The following SKI variants were observed in gnomAD, a reference collection of about 807,000 sequenced individuals.
SKI encodes the protein SKI proto-oncogene.
A neutral mutation model predicts 59.3 loss-of-function variants in SKI; 23 were observed. That is an observed-to-expected ratio of 0.39 (90% CI 0.28 to 0.55). The LOEUF (loss-of-function observed/expected upper bound fraction) is 0.55, where lower values mean the gene tolerates loss of function less well. SKI is among the 20% of genes least tolerant of loss of function. The probability of loss-of-function intolerance (pLI) is 0.67; values close to 1 mark genes in which losing one functional copy is unlikely to be tolerated. For missense variants in SKI, 1,017 were observed against 1,038.9 expected (o/e 0.98, Z 0.29); for synonymous variants, 673 against 488.6 (o/e 1.38, Z -4.98).
At chr1:2,277,695 G>A (rs1639774159) in intron 1 of SKI, among the ~76,000 whole-genome samples, 1 of 147,904 alleles carries the variant, frequency 6.8e-6, no homozygotes, top group Admixed American at 6.7e-5. Context: ...AGGACCCATG[G>A]GCACACGTGC....
chr1:2,234,676 C>T (rs977094825), intron 1 of SKI, among the ~76,000 whole-genome samples: 8 of 152,150 alleles, frequency 5.3e-5, no homozygotes, highest in East Asian at 1.9e-4. Flanking sequence ...GCCGGCGGCC[C>T]GGCTCTCTGT....
chr1:2,296,492 C>T (rs776532848), intron 1 of SKI, among the ~76,000 whole-genome samples: 2 of 152,214 alleles, frequency 1.3e-5, no homozygotes, highest in East Asian at 1.9e-4. Context: ...TGTCAGGCAG[C>T]TTTGCATGCG....
chr1:2,241,804 A>G (rs563885894), intron 1 of SKI, among the ~76,000 whole-genome samples: 1 of 152,316 alleles, frequency 6.6e-6, no homozygotes, highest in South Asian at 2.1e-4. Flanking sequence ...ACCATGACCC[A>G]TTACCTTGCC....
intron 1 of SKI, among the ~76,000 whole-genome samples, chr1:2,254,027 C>G (rs1408779341): frequency 6.6e-6 from 1 of 152,242 alleles, no homozygotes; most frequent in Non-Finnish European, 1.5e-5. Context: ...GCCTGGTCGT[C>G]AGGCCACGGA....
rs1052691971 is a variant in SKI at position 2,228,700 on chromosome 1, C to T, written c.-67C>T. 2.1e-6 allele frequency: 2 copies of T among 941,740 alleles called. No individual in the cohort carries two copies. Among genetic ancestry groups the T allele is most frequent in the Non-Finnish European group, 2.5e-6 (2 of 794,382 alleles). 58.3% of individuals were successfully genotyped at this position (941,740 alleles called of 1,614,324 possible). On this transcript the variant is annotated 5_prime_UTR_variant, in exon 1 of 7. Transcript: ENST00000378536. The stretch of plus-strand genomic sequence containing the variant: ...GCGGGCGCCGCCGGGGCGCGCGGGG[C>T]GGCGGCGGGGGCCGGGGGGGCCCGG...
At chr1:2,262,131 A>T (rs997013819) in intron 1 of SKI, among the ~76,000 whole-genome samples, 2 of 120,154 alleles carry the variant, frequency 1.7e-5, no homozygotes, top group Admixed American at 8.7e-5. Flanking sequence ...AAGGCGTGGA[A>T]TCAGAGTTTG....
chr1:2,235,461 C>G (rs1053341081), intron 1 of SKI, among the ~76,000 whole-genome samples: 1 of 152,218 alleles, frequency 6.6e-6, no homozygotes, highest in Non-Finnish European at 1.5e-5. Flanking sequence ...AGGTGCCATG[C>G]CAGGTGACCC....
chr1:2,303,745 C>T lies in SKI; in HGVS notation c.1212-95C>T. 6.7e-7 allele frequency: 1 copy of T among 1,493,652 alleles called. No homozygotes were observed. The allele number at this position is 1,493,652 out of a possible 1,614,324, so 92.5% of individuals were successfully genotyped here. ...AAGATTCGGAGCTGGGAAAGTCTTT[C>T]CTGTTTAACACCTTCAGAGGGGGTG... On this transcript the variant is annotated intron_variant, in intron 3 of 6. Transcript: ENST00000378536. The surrounding 1 kb of genome is among the most constrained non-coding windows in gnomAD (Gnocchi z 5.6).
At chr1:2,260,343 A>G (rs1569747874) in intron 1 of SKI, among the ~76,000 whole-genome samples, 1 of 151,956 alleles carries the variant, frequency 6.6e-6, no homozygotes, top group Non-Finnish European at 1.5e-5. Context: ...TTTGCCAGTT[A>G]TTTTAGACTG....
At chr1:2,284,800 C>T (rs1004017181) in intron 1 of SKI, among the ~76,000 whole-genome samples, 3 of 152,128 alleles carry the variant, frequency 2.0e-5, no homozygotes, top group African/African-American at 4.8e-5. Flanking sequence ...ACACGGGGGC[C>T]CACCTTGGCC....
rs1553195585 is a variant in SKI at position 2,270,576 on chromosome 1, CGGCTGAGG to C, written c.970-32401_970-32394del. 1.4e-4 allele frequency among the ~76,000 whole-genome samples: 21 copies of C among 152,066 alleles called. No individual in the cohort carries two copies. Among genetic ancestry groups the C allele is most frequent in the Non-Finnish European group, 2.6e-4 (18 of 67,930 alleles). ...AGGGGGCGCTGGGGAAACAAGCTGC[CGGCTGAGG>C]AGGCCGCACTCCCCGTGCCTCCCGG... On this transcript the variant is annotated intron_variant, in intron 1 of 6. Transcript: ENST00000378536. This position sits in a 1 kb window ranked among gnomAD's most constrained non-coding sequence, Gnocchi z 4.1.
intron 1 of SKI, among the ~76,000 whole-genome samples, chr1:2,287,153 CCTGGCCCAGGGTGCA>C (rs1298411461): frequency 1.3e-5 from 2 of 152,044 alleles, no homozygotes; most frequent in African/African-American, 2.4e-5. Flanking sequence ...CCCGGGGTGC[CCTGGCCCAGGGTGCA>C]CCTGTGCTCT....
chr1:2,285,026 C>T (rs544246061), intron 1 of SKI, among the ~76,000 whole-genome samples: 56 of 152,256 alleles, frequency 3.7e-4, no homozygotes, highest in African/African-American at 1.2e-3. Flanking sequence ...TTTATGATTT[C>T]GTGTTTGGGC....
intron 1 of SKI, among the ~76,000 whole-genome samples, chr1:2,251,135 G>A (rs1260339551): frequency 1.3e-5 from 2 of 152,154 alleles, no homozygotes; most frequent in African/African-American, 2.4e-5. Context: ...CTGGAGTCTC[G>A]CCTTTCTCCT....
In SKI at chr1:2,229,339, C is replaced by T. The variant is rs777704639; in HGVS notation, c.573C>T (p.Tyr191=). Residue 191 remains tyrosine, a synonymous_variant, in exon 1 of 7, where the codon TAC becomes TAT. Transcript: ENST00000378536. The surrounding 1 kb of genome is among the most constrained non-coding windows in gnomAD (Gnocchi z 6.3). Reference sequence around the variant, plus strand: ...AGCGCCTGTGCAACGCGCTGCTCTACGGCGGCGCCTACCCGCCGCCCTGCA... The same window carrying T: ...AGCGCCTGTGCAACGCGCTGCTCTATGGCGGCGCCTACCCGCCGCCCTGCA... ...DAERLCNALL[Y]GGAYPPPCKK... is the part of the protein sequence containing the mutation. 13 of 1,595,410 alleles carry T rather than the reference C, an allele frequency of 8.1e-6. No homozygotes were observed. In the South Asian group the frequency reaches 1.1e-4, roughly 14 times the overall value.
intron 1 of SKI, among the ~76,000 whole-genome samples, chr1:2,249,421 C>T (rs1639071987): frequency 6.6e-6 from 1 of 152,222 alleles, no homozygotes; most frequent in African/African-American, 2.4e-5. Flanking sequence ...GCCTTCAGTG[C>T]CCCAGGGCTG....
intron 1 of SKI, among the ~76,000 whole-genome samples, chr1:2,239,400 A>G (rs566108732): frequency 6.6e-6 from 1 of 152,240 alleles, no homozygotes; most frequent in South Asian, 2.1e-4. Flanking sequence ...CTTCGAGTCA[A>G]GCCGGGCTCG....
Position 2,303,889 on chromosome 1 carries a change from C to T in SKI, c.1261C>T (p.Leu421Phe). Residue 421 changes from leucine to phenylalanine, a missense_variant, in exon 4 of 7, where the codon CTC (leucine) becomes TTC (phenylalanine). Leu to Phe is a conservative substitution (Grantham distance 22). Transcript: ENST00000378536. This position sits in a 1 kb window ranked among gnomAD's most constrained non-coding sequence, Gnocchi z 5.6. ...FETAVAPNVA[L>F]APPAQQKVVS... ...GACAGCCGTGGCGCCCAACGTGGCCCTCGCACCGCCGGCCCAGCAGAAGGT... is the reference window on the plus strand; with the variant it reads ...GACAGCCGTGGCGCCCAACGTGGCCTTCGCACCGCCGGCCCAGCAGAAGGT... The T allele has an allele frequency of 6.2e-7, 1 of 1,612,378 alleles. No individual in the cohort carries two copies. Among genetic ancestry groups the T allele is most frequent in the Non-Finnish European group, 8.5e-7 (1 of 1,179,810 alleles).
At position 2,228,720 on chromosome 1, in the gene SKI, G is replaced by C; in HGVS notation, c.-47G>C. On this transcript the variant is annotated 5_prime_UTR_variant, in exon 1 of 7. Transcript: ENST00000378536. ...CGGGGCGGCGGCGGGGGCCGGGGGGGCCCGGGCGCGCGGGAGCGGGAGCGG... is the reference window on the plus strand; with the variant it reads ...CGGGGCGGCGGCGGGGGCCGGGGGGCCCCGGGCGCGCGGGAGCGGGAGCGG... The C allele has an allele frequency of 9.9e-7, 1 of 1,006,062 alleles. No homozygotes were observed. Among genetic ancestry groups the C allele is most frequent in the Non-Finnish European group, 1.2e-6 (1 of 844,724 alleles). The allele number at this position is 1,006,062 out of a possible 1,614,324, so 62.3% of individuals were successfully genotyped here.
Sources: allele counts gnomAD v4.1 joint callset (sites outside exome capture counted in the v4.1 genomes callset), GRCh38; gene constraint gnomAD v4.1.1; non-coding constraint Gnocchi (gnomAD v3.1); transcripts MANE v1.5; gene names NCBI Gene and HGNC (gene_info 2026-07-23, HGNC 2026-07-21).